Variants in KIF4A observed in about 807,000 individuals in gnomAD.
KIF4A encodes kinesin family member 4A.
A neutral mutation model predicts 105.9 loss-of-function variants in KIF4A; 7 were observed. The observed-to-expected ratio is 0.07, with a 90% confidence interval of 0.04 to 0.12. The LOEUF (loss-of-function observed/expected upper bound fraction) is 0.12. Among genes scored for constraint, KIF4A ranks in the 10% least tolerant of loss-of-function variants. The pLI is 1.00. For missense variants in KIF4A, 558 were observed against 929.2 expected, an observed-to-expected ratio of 0.60 and a Z score of 5.19; for synonymous variants, 281 against 331.3, an observed-to-expected ratio of 0.85 and a Z score of 1.65.
intron 7 of KIF4A, among the ~76,000 whole-genome samples, chrX:70,324,728 A>G (rs1438995992): frequency 9.0e-6 from 1 of 111,462 alleles, no homozygotes; most frequent in South Asian, 3.7e-4. Context: ...AGGGTTTTTT[A>G]AACACCAATT....
intron 23 of KIF4A, 72 bp downstream of exon 23, chrX:70,402,767 T>C (rs2086287168): frequency 3.6e-6 from 4 of 1,112,467 alleles, no homozygotes; most frequent in Non-Finnish European, 3.7e-6. Flanking sequence ...CCTTGAAATA[T>C]TGTCAAAGTG....
At chrX:70,392,855 A>ATT (rs1569250016) in intron 20 of KIF4A, among the ~76,000 whole-genome samples, 15 of 102,917 alleles carry the variant, frequency 1.5e-4, no homozygotes, top group South Asian at 4.3e-4. Flanking sequence ...TAATAATAAT[A>ATT]ATAATTATTA....
At chrX:70,374,891 A>G (rs976558994) in intron 16 of KIF4A, among the ~76,000 whole-genome samples, 3 of 112,263 alleles carry the variant, frequency 2.7e-5, no homozygotes, top group Non-Finnish European at 5.6e-5. Context: ...GACTTGTATA[A>G]TAATCATCAG....
At chrX:70,293,834 T>A in intron 3 of KIF4A, among the ~76,000 whole-genome samples, 1 of 112,180 alleles carries the variant, frequency 8.9e-6, no homozygotes, top group Non-Finnish European at 1.9e-5. Flanking sequence ...GAGTCAGTGA[T>A]GAGTGGTGAG....
intron 15 of KIF4A, among the ~76,000 whole-genome samples, chrX:70,363,351 G>A (rs1390989047): frequency 4.5e-5 from 5 of 110,249 alleles, no homozygotes; most frequent in East Asian, 2.8e-4. Flanking sequence ...CCATTAACTC[G>A]TCATTTAACA....
chrX:70,382,795 A>G (rs1268624409), intron 18 of KIF4A, among the ~76,000 whole-genome samples: 3 of 110,194 alleles, frequency 2.7e-5, no homozygotes, highest in Non-Finnish European at 3.8e-5. Context: ...TCTAACAAAA[A>G]AAAAAAAAAA....
In KIF4A at chrX:70,332,557, A is replaced by G. The variant is rs2085934928; in HGVS notation, c.1072-1071A>G. Among the ~76,000 whole-genome samples the G allele has an allele frequency of 2.7e-5, 3 of 111,867 alleles. No homozygotes were observed. In the Admixed American group the frequency reaches 2.9e-4, roughly 11 times the overall value. On this transcript the variant is annotated intron_variant, in intron 9 of 30. Coordinates refer to ENST00000374403, the MANE Select transcript of KIF4A (RefSeq NM_012310.5). ...TGTATTATTCTCTCAAACTTTGTGA[A>G]AAAAGAGAAAAATAGGGCAAGAGAG...
At chrX:70,350,374 A>G in intron 13 of KIF4A, among the ~76,000 whole-genome samples, 1 of 111,569 alleles carries the variant, frequency 9.0e-6, no homozygotes, top group Non-Finnish European at 1.9e-5. Context: ...ATTCCCAGGC[A>G]CTCGGCAGGC....
chrX:70,339,061 G>C (rs1314742085), intron 10 of KIF4A, among the ~76,000 whole-genome samples: 2 of 103,297 alleles, frequency 1.9e-5, no homozygotes. Context: ...CTCCAGCCTG[G>C]GTGACAGAGC....
chrX:70,359,436 T>TC lies in KIF4A; in HGVS notation c.1674+5629_1674+5630insC, dbSNP rs1491453004. 2.0e-3 allele frequency among the ~76,000 whole-genome samples: 222 copies of TC among 108,641 alleles called. 1 individual carries two copies. The highest frequency in any genetic ancestry group is 6.7e-3 in the African/African-American group (198 of 29,437). The allele number at this position is 108,641 out of a possible 115,157, so 94.3% of individuals were successfully genotyped here. ...CCCACTGTATTTCTTTCTTTCTTTC[T>TC]TTCTCTCTCTCTCTCTCTCTTTCTT... On this transcript the variant is annotated intron_variant, in intron 15 of 30. Coordinates refer to ENST00000374403, the MANE Select transcript of KIF4A (RefSeq NM_012310.5).
chrX:70,381,436 C>T (rs1356614488), intron 18 of KIF4A, among the ~76,000 whole-genome samples: 1 of 111,171 alleles, frequency 9.0e-6, no homozygotes, highest in Non-Finnish European at 1.9e-5. Context: ...ACTTAGGAGG[C>T]TGAGGCAGGA....
chrX:70,389,183 G>C (rs2086228918), intron 20 of KIF4A, among the ~76,000 whole-genome samples: 1 of 111,720 alleles, frequency 9.0e-6, no homozygotes, highest in Non-Finnish European at 1.9e-5. Flanking sequence ...TTGAGACTGG[G>C]AGGTCAAGGC....
intron 20 of KIF4A, among the ~76,000 whole-genome samples, chrX:70,392,456 G>A (rs1329013265): frequency 3.6e-5 from 4 of 111,235 alleles, no homozygotes; most frequent in East Asian, 5.6e-4. Flanking sequence ...GTTGTCAAAT[G>A]TATTGGCATA....
intron 20 of KIF4A, 82 bp downstream of exon 20, chrX:70,387,379 T>G (rs1371494786): frequency 2.8e-6 from 2 of 716,765 alleles, no homozygotes; most frequent in African/African-American, 4.4e-5. Flanking sequence ...TTTTTCCTTT[T>G]TTTAGAAGTA....
At chrX:70,419,859 G>A (rs1432779239) in intron 30 of KIF4A, 76 bp downstream of exon 30, 105 of 1,158,755 alleles carry the variant, frequency 9.1e-5, no homozygotes, top group Non-Finnish European at 1.2e-4. Flanking sequence ...AGACCAGTAG[G>A]AGAGAGGCAG....
Position 70,416,552 on chromosome X carries a change from T to A in KIF4A, c.3256-1336T>A, listed in dbSNP as rs1310011391. 2.8e-5 allele frequency among the ~76,000 whole-genome samples: 3 copies of A among 109,075 alleles called. No homozygotes were observed. In the Admixed American group the frequency reaches 3.0e-4, roughly 11 times the overall value. 94.7% of individuals were successfully genotyped at this position (109,075 alleles called of 115,157 possible). A position where few individuals can be genotyped will look rare whatever the true frequency, so the allele number is the denominator to read the frequency against. ...GGTTTCAGCATGTTGCCCAGGCTAG[T>A]CTCAAACTCCTGAGCTCAAGCGATC... On this transcript the variant is annotated intron_variant, in intron 28 of 30. Coordinates refer to ENST00000374403, the MANE Select transcript of KIF4A (RefSeq NM_012310.5).
intron 7 of KIF4A, among the ~76,000 whole-genome samples, chrX:70,322,949 G>A (rs778792488): frequency 9.1e-6 from 1 of 109,680 alleles, no homozygotes; most frequent in South Asian, 4.0e-4. Context: ...ACTGTTTCTC[G>A]CTGCTAAGAG....
At chrX:70,353,953 G>A in intron 15 of KIF4A, 146 bp downstream of exon 15, 2 of 477,110 alleles carry the variant, frequency 4.2e-6, no homozygotes, top group Non-Finnish European at 6.7e-6. Flanking sequence ...GGTTTAAAAA[G>A]AGGATACATT....
chrX:70,393,869 CTTTT>C (rs1178450883), intron 20 of KIF4A, among the ~76,000 whole-genome samples: 13 of 1,028 alleles, frequency 0.013, no homozygotes, highest in Middle Eastern at 0.17. Context: ...TTCTTTCTTT[CTTTT>C]TTTTTTTTTT....
Sources: gnomAD v4.1 joint callset for allele counts (sites outside exome capture counted in the v4.1 genomes callset) on GRCh38, gnomAD v4.1.1 for gene constraint, MANE v1.5 for transcripts, NCBI Gene and HGNC (gene_info 2026-07-23, HGNC 2026-07-21) for gene names.